The following IL18R1 variants were observed in gnomAD, a reference collection of about 807,000 sequenced individuals.
IL18R1 encodes the protein interleukin 18 receptor 1.
A neutral mutation model predicts 48.5 loss-of-function variants in IL18R1; 40 were observed. The observed-to-expected ratio is 0.82, with a 90% confidence interval of 0.64 to 1.07. The LOEUF is 1.07. Ranked by LOEUF, IL18R1 falls within the 50% of genes least tolerant of loss-of-function variation. IL18R1 has a pLI of 0.00. For synonymous variants in IL18R1, 232 were observed against 225.9 expected (o/e 1.03, Z -0.24); for missense variants, 596 against 633.7 (o/e 0.94, Z 0.64).
chr2:102,357,872 G>A (rs565372335), intron 1 of IL18R1, among the ~76,000 whole-genome samples: 5 of 152,002 alleles, frequency 3.3e-5, no homozygotes, highest in Non-Finnish European at 7.3e-5. Flanking sequence ...TTGTTTGTTA[G>A]AGTTTAAGCG....
intron 1 of IL18R1, among the ~76,000 whole-genome samples, chr2:102,361,869 T>G (rs941470650): frequency 2.0e-5 from 3 of 152,132 alleles, no homozygotes; most frequent in Non-Finnish European, 2.9e-5. Context: ...TGCAGTAGGA[T>G]CAAAGTTCAA....
intron 2 of IL18R1, among the ~76,000 whole-genome samples, chr2:102,364,020 T>C (rs180941085): frequency 6.6e-5 from 10 of 152,308 alleles, no homozygotes; most frequent in Non-Finnish European, 1.3e-4. Flanking sequence ...ACAAAGCCTC[T>C]AATGGTAAAC....
intron 5 of IL18R1, among the ~76,000 whole-genome samples, 177 bp from the exon 6 acceptor site, chr2:102,381,443 A>G (rs1353332952): frequency 6.6e-6 from 1 of 152,228 alleles, no homozygotes; most frequent in Non-Finnish European, 1.5e-5. Flanking sequence ...AGAAAACCAG[A>G]TACAAGGTGC....
At chr2:102,366,384 T>C (rs1678900194) in intron 2 of IL18R1, among the ~76,000 whole-genome samples, 1 of 152,210 alleles carries the variant, frequency 6.6e-6, no homozygotes, top group African/African-American at 2.4e-5. Flanking sequence ...CAGCCTGGAC[T>C]TTATTGTCCA....
rs367800541 is a variant in IL18R1 at position 102,367,968 on chromosome 2, C to A, written c.202C>A (p.Leu68Met). The change falls in exon 3 of 11, where the codon CTG becomes ATG. Residue 68 changes from leucine (L) to methionine (M), a missense_variant. Physicochemically the swap from Leu to Met is conservative, Grantham distance 15 (BLOSUM62 2). Coordinates refer to ENST00000233957, the MANE Select transcript of IL18R1 (RefSeq NM_003855.5). ...CAGTGGATCACAGGAACATGTGGAG[C>A]TGAACCCAAGGAGTTCCTCGAGAAT... is the stretch of plus-strand genomic sequence containing the variant. ...KSSGSQEHVE[L>M]NPRSSSRIAL... 2.8e-5 allele frequency: 45 copies of A among 1,614,094 alleles called. No individual in the cohort carries two copies. The highest frequency in any genetic ancestry group is 3.8e-5 in the Non-Finnish European group (45 of 1,180,042).
intron 1 of IL18R1, among the ~76,000 whole-genome samples, chr2:102,359,116 A>G (rs1040411261): frequency 2.0e-5 from 3 of 152,196 alleles, no homozygotes; most frequent in Non-Finnish European, 4.4e-5. Context: ...GAGGACCTGT[A>G]CATTATAAGC....
At chr2:102,387,298 A>G (rs2105112074) in intron 8 of IL18R1, among the ~76,000 whole-genome samples, 1 of 152,334 alleles carries the variant, frequency 6.6e-6, no homozygotes, top group Middle Eastern at 3.4e-3. Context: ...GGCCATCAGG[A>G]CAACCCCTGC....
chr2:102,393,886 C>CT (rs1224203325), intron 9 of IL18R1, among the ~76,000 whole-genome samples: 3 of 152,070 alleles, frequency 2.0e-5, no homozygotes, highest in South Asian at 2.1e-4. Flanking sequence ...TTTTGTTATT[C>CT]TTTTTTTGTT....
chr2:102,368,000 G>T lies in IL18R1; in HGVS notation c.234G>T (p.Leu78Phe), dbSNP rs749953966. The change falls in exon 3 of 11, where the codon TTG becomes TTT. Residue 78 changes from leucine to phenylalanine, a missense_variant. Transcript: ENST00000233957. ...CAAGGAGTTCCTCGAGAATTGCTTT[G>T]CATGATTGTGTTTTGGAGTTTTGGC... ...LNPRSSSRIALHDCVLEFWPV... is the reference protein window; with the variant it reads ...LNPRSSSRIAFHDCVLEFWPV... 6 of 1,614,210 alleles carry T rather than the reference G, an allele frequency of 3.7e-6. No homozygotes were observed. The Admixed American group carries it at 6.7e-5, about 18-fold the overall frequency.
Position 102,381,666 on chromosome 2 carries a change from T to C in IL18R1, c.672T>C (p.His224=), listed in dbSNP as rs1679927945. 4 of 1,611,378 alleles carry C rather than the reference T, an allele frequency of 2.5e-6. No individual in the cohort carries two copies. The highest frequency in any genetic ancestry group is 3.4e-6 in the Non-Finnish European group (4 of 1,177,504). Residue 224 remains histidine (H), a synonymous_variant, in exon 6 of 11, where the codon CAT becomes CAC. Coordinates refer to ENST00000233957, the MANE Select transcript of IL18R1 (RefSeq NM_003855.5). ...VPVLLGPKLN[H]VAVELGKNVR... The stretch of plus-strand genomic sequence containing the variant: ...TTCTTCTTGGACCAAAGCTTAACCA[T>C]GTTGCAGTGGAATTAGGTATATTTC...
intron 4 of IL18R1, among the ~76,000 whole-genome samples, chr2:102,372,982 C>A (rs1168778447): frequency 6.6e-6 from 1 of 152,170 alleles, no homozygotes; most frequent in Non-Finnish European, 1.5e-5. Flanking sequence ...CTCCAGGGAG[C>A]TCTGCCAATT....
Position 102,371,853 on chromosome 2 carries a change from A to G in IL18R1, c.303-100A>G, listed in dbSNP as rs914986222. On this transcript the variant is annotated intron_variant, in intron 3 of 10. Transcript: ENST00000233957. Reference sequence around the variant, plus strand: ...CAATGAATCAATCTCTTTAATAAAAATAAAGGAAAAATATTGTAACTGGTT... The same window carrying G: ...CAATGAATCAATCTCTTTAATAAAAGTAAAGGAAAAATATTGTAACTGGTT... 5 of 691,822 alleles carry G rather than the reference A, an allele frequency of 7.2e-6. No individual in the cohort carries two copies. The Admixed American group carries it at 1.0e-4, about 14-fold the overall frequency. The allele number at this position is 691,822 out of a possible 1,614,324, so 42.9% of individuals were successfully genotyped here. A position where few individuals can be genotyped will look rare whatever the true frequency, so the allele number is the denominator to read the frequency against.
intron 4 of IL18R1, among the ~76,000 whole-genome samples, chr2:102,375,464 C>T (rs539991419): frequency 6.6e-6 from 1 of 152,172 alleles, no homozygotes; most frequent in African/African-American, 2.4e-5. Flanking sequence ...AATTCTCCAC[C>T]CATCCCACTA....
rs544434548 is a variant in IL18R1 at position 102,373,722 on chromosome 2, A to T, written c.468+1604A>T. ...AAAACATACGCACTCCCATCCACACACATACGCAACACAAATTGTGTAGTT... is the reference window on the plus strand; with the variant it reads ...AAAACATACGCACTCCCATCCACACTCATACGCAACACAAATTGTGTAGTT... On this transcript the variant is annotated intron_variant, in intron 4 of 10. Transcript: ENST00000233957. Among the ~76,000 whole-genome samples, 53 of 152,310 alleles carry T rather than the reference A, an allele frequency of 3.5e-4. 1 individual carries two copies. Among genetic ancestry groups the T allele is most frequent in the African/African-American group, 1.2e-3 (49 of 41,562 alleles).
At chr2:102,387,561 C>T (rs1573224783) in intron 8 of IL18R1, among the ~76,000 whole-genome samples, 1 of 152,248 alleles carries the variant, frequency 6.6e-6, no homozygotes, top group South Asian at 2.1e-4. Context: ...CCCTTTCCTC[C>T]ACCAAAGTAG....
At chr2:102,368,468 G>T (rs1024650625) in intron 3 of IL18R1, among the ~76,000 whole-genome samples, 1 of 152,156 alleles carries the variant, frequency 6.6e-6, no homozygotes, top group East Asian at 1.9e-4. Context: ...TGGCATCCCT[G>T]GTGGGGAGCA....
chr2:102,358,634 T>A (rs1678395995), intron 1 of IL18R1, among the ~76,000 whole-genome samples: 2 of 152,194 alleles, frequency 1.3e-5, no homozygotes, highest in Admixed American at 1.3e-4. Flanking sequence ...TCTTCCTGAC[T>A]GTATGTTAGA....
At chr2:102,371,060 G>A (rs1490142072) in intron 3 of IL18R1, among the ~76,000 whole-genome samples, 2 of 150,942 alleles carry the variant, frequency 1.3e-5, no homozygotes, top group Non-Finnish European at 3.0e-5. Context: ...TGTTGTTGTT[G>A]TTGTTGTTTT....
chr2:102,359,021 A>G (rs1234181570), intron 1 of IL18R1, among the ~76,000 whole-genome samples: 1 of 150,936 alleles, frequency 6.6e-6, no homozygotes, highest in Non-Finnish European at 1.5e-5. Flanking sequence ...GTGTGTGAGC[A>G]TGTGTGTGTG....
Sources: gnomAD v4.1 joint callset for allele counts (sites outside exome capture counted in the v4.1 genomes callset) on GRCh38, gnomAD v4.1.1 for gene constraint, MANE v1.5 for transcripts, NCBI Gene and HGNC (gene_info 2026-07-23, HGNC 2026-07-21) for gene names.